ROBO1: variants seen among roughly 807,000 people sequenced by gnomAD.
ROBO1 encodes the protein roundabout homolog 1.
Under a neutral mutation model 195.9 loss-of-function variants are expected in ROBO1, and 149 were observed. The observed-to-expected ratio is 0.76, with a 90% CI of 0.67 to 0.87. ROBO1 has a LOEUF of 0.87. Ranked by LOEUF, ROBO1 falls within the 40% of genes least tolerant of loss-of-function variation. The pLI, the probability that ROBO1 is intolerant of heterozygous loss-of-function variation, is 0.00. For missense variants in ROBO1, 1,933 were observed against 2,068.3 expected (o/e 0.93, Z 1.27); for synonymous variants, 816 against 733.2 (o/e 1.11, Z -1.82).
intron 2 of ROBO1, among the ~76,000 whole-genome samples, chr3:79,531,764 A>G (rs900888039): frequency 6.6e-6 from 1 of 152,168 alleles, no homozygotes; most frequent in African/African-American, 2.4e-5. Context: ...TCATATGCAA[A>G]CACATTTCTT....
At chr3:79,369,678 C>CT (rs1165239836) in intron 2 of ROBO1, among the ~76,000 whole-genome samples, 193 of 145,062 alleles carry the variant, frequency 1.3e-3, no homozygotes, top group African/African-American at 2.2e-3. Flanking sequence ...AGGCTTCTTT[C>CT]TTTTTTTTTT....
intron 2 of ROBO1, among the ~76,000 whole-genome samples, chr3:79,536,971 G>C (rs1156287217): frequency 1.3e-5 from 2 of 151,950 alleles, no homozygotes; most frequent in East Asian, 3.9e-4. Flanking sequence ...TGGCATTTAA[G>C]TAAGCATTCA....
At chr3:79,428,286 T>A (rs2038532523) in intron 2 of ROBO1, among the ~76,000 whole-genome samples, 1 of 151,696 alleles carries the variant, frequency 6.6e-6, no homozygotes, top group Non-Finnish European at 1.5e-5. Context: ...CCCACAAAAA[T>A]TAAAAAGAAA....
chr3:78,926,690 C>A (rs573793804), intron 4 of ROBO1, among the ~76,000 whole-genome samples: 2 of 152,100 alleles, frequency 1.3e-5, no homozygotes, highest in Admixed American at 1.3e-4. Flanking sequence ...TGAATCAGGA[C>A]AAAATTGGTA....
chr3:79,148,926 T>C (rs1374268891), intron 2 of ROBO1, among the ~76,000 whole-genome samples: 2 of 151,910 alleles, frequency 1.3e-5, no homozygotes, highest in Admixed American at 6.6e-5. Context: ...AAATCTAAGA[T>C]GTGTTCAGGC....
chr3:78,653,349 C>T (rs958736191), intron 18 of ROBO1, among the ~76,000 whole-genome samples: 3 of 152,090 alleles, frequency 2.0e-5, no homozygotes, highest in Non-Finnish European at 4.4e-5. Flanking sequence ...CCAGTGACCC[C>T]ACACCCCTCA....
intron 2 of ROBO1, among the ~76,000 whole-genome samples, chr3:79,195,283 T>G (rs1017974334): frequency 6.6e-6 from 1 of 151,690 alleles, no homozygotes; most frequent in African/African-American, 2.4e-5. Context: ...GCTGGGCATA[T>G]AGTAAGTATT....
At chr3:79,304,713 C>G (rs2109072881) in intron 2 of ROBO1, among the ~76,000 whole-genome samples, 1 of 152,256 alleles carries the variant, frequency 6.6e-6, no homozygotes, top group South Asian at 2.1e-4. Flanking sequence ...CATTATTATA[C>G]CATGTTTACT....
At chr3:79,317,760 A>T (rs1255908319) in intron 2 of ROBO1, among the ~76,000 whole-genome samples, 1 of 152,000 alleles carries the variant, frequency 6.6e-6, no homozygotes, top group African/African-American at 2.4e-5. Flanking sequence ...TGGGCCTACA[A>T]AGCACTCGTG....
chr3:78,895,409 T>G (rs1576360615), intron 4 of ROBO1, among the ~76,000 whole-genome samples: 1 of 152,186 alleles, frequency 6.6e-6, no homozygotes. Flanking sequence ...ATTATTTAAG[T>G]TTTTGAACTA....
At position 79,067,352 on chromosome 3, in the gene ROBO1, C is replaced by A. The variant is rs563519024; in HGVS notation, c.172+58104G>T. Among the ~76,000 whole-genome samples, 4 of 151,938 alleles carry A rather than the reference C, an allele frequency of 2.6e-5. No individual in the cohort carries two copies. In the South Asian group the frequency reaches 8.3e-4, roughly 32 times the overall value. ...TTACTTGTTTATTTGGTAAATTTCCCACAGGGAAAATTTTAAATCTTACAA... is the reference window on the plus strand; with the variant it reads ...TTACTTGTTTATTTGGTAAATTTCCAACAGGGAAAATTTTAAATCTTACAA... On this transcript the variant is annotated intron_variant, in intron 3 of 30. Coordinates refer to ENST00000464233, the MANE Select transcript of ROBO1 (RefSeq NM_002941.4).
At chr3:79,070,835 T>C (rs1167714144) in intron 3 of ROBO1, among the ~76,000 whole-genome samples, 1 of 151,806 alleles carries the variant, frequency 6.6e-6, no homozygotes, top group Non-Finnish European at 1.5e-5. Context: ...TGTCTTTCTA[T>C]CTTTAATGCC....
intron 3 of ROBO1, among the ~76,000 whole-genome samples, chr3:79,044,349 A>T (rs1436909146): frequency 3.9e-5 from 6 of 152,240 alleles, no homozygotes; most frequent in South Asian, 4.1e-4. Context: ...GAGTTAAAAT[A>T]AAGGTCCTAT....
intron 2 of ROBO1, among the ~76,000 whole-genome samples, chr3:79,214,256 C>G (rs958802969): frequency 4.6e-5 from 7 of 151,962 alleles, no homozygotes; most frequent in Non-Finnish European, 5.9e-5. Context: ...CAGTAATAAA[C>G]AGCAAACAGT....
At chr3:79,335,326 T>A (rs2034620751) in intron 2 of ROBO1, among the ~76,000 whole-genome samples, 1 of 152,064 alleles carries the variant, frequency 6.6e-6, no homozygotes. Flanking sequence ...TATTGATAAA[T>A]AAAGTATCTA....
At chr3:78,724,219 T>C (rs1396063432) in intron 5 of ROBO1, among the ~76,000 whole-genome samples, 1 of 152,116 alleles carries the variant, frequency 6.6e-6, no homozygotes, top group Non-Finnish European at 1.5e-5. Context: ...ATGACTACAT[T>C]GAAATGGATC....
chr3:79,332,201 T>TAA (rs71127379), intron 2 of ROBO1, among the ~76,000 whole-genome samples: 40 of 122,318 alleles, frequency 3.3e-4, no homozygotes, highest in African/African-American at 7.8e-4. Flanking sequence ...ATTGATGACC[T>TAA]AAAAAAAAAA....
In ROBO1 at chr3:79,746,671, G is replaced by T. The variant is rs572864889; in HGVS notation, c.-51+21081C>A. Among the ~76,000 whole-genome samples, 8 of 151,100 alleles carry T rather than the reference G, an allele frequency of 5.3e-5. No individual in the cohort carries two copies. The South Asian group carries it at 1.7e-3, about 31-fold the overall frequency. ...ATACCACAGAGTATCTTCCACTTTT[G>T]ATATTCTGAGATTTTAGTCCTAATA... On this transcript the variant is annotated intron_variant, in intron 1 of 30. Coordinates refer to ENST00000464233, the MANE Select transcript of ROBO1 (RefSeq NM_002941.4).
chr3:79,588,528 T>A (rs1356242962), intron 2 of ROBO1, among the ~76,000 whole-genome samples: 1 of 151,748 alleles, frequency 6.6e-6, no homozygotes, highest in African/African-American at 2.4e-5. Context: ...TCTATAGTTG[T>A]AGTTTTAAAA....
Sources: allele counts gnomAD v4.1 joint callset (sites outside exome capture counted in the v4.1 genomes callset), GRCh38; gene constraint gnomAD v4.1.1; transcripts MANE v1.5; gene names NCBI Gene and HGNC (gene_info 2026-07-23, HGNC 2026-07-21).